The following CHST11 variants were observed in gnomAD, a reference collection of about 807,000 sequenced individuals.
The protein encoded by CHST11 is carbohydrate sulfotransferase 11.
A neutral mutation model predicts 30.4 loss-of-function variants in CHST11; 9 were observed. That is an observed-to-expected ratio of 0.30 (90% CI 0.18 to 0.52). The LOEUF is 0.52. Among genes scored for constraint, CHST11 ranks in the 20% least tolerant of loss-of-function variants. CHST11 has a pLI of 0.97. For synonymous variants in CHST11, 152 were observed against 187.8 expected (o/e 0.81, Z 1.56); for missense variants, 348 against 460.6 (o/e 0.76, Z 2.24).
intron 2 of CHST11, among the ~76,000 whole-genome samples, chr12:104,662,429 A>G (rs1040500070): frequency 1.2e-4 from 19 of 152,316 alleles, no homozygotes; most frequent in African/African-American, 4.1e-4. Context: ...CCTCCTTATC[A>G]TTGCGGTTAG....
At chr12:104,525,132 T>C (rs1341926943) in intron 1 of CHST11, among the ~76,000 whole-genome samples, 1 of 149,250 alleles carries the variant, frequency 6.7e-6, no homozygotes, top group African/African-American at 2.5e-5. Flanking sequence ...TAAGAGACAG[T>C]CTCAGTTACA....
At chr12:104,489,474 T>C (rs2037723660) in intron 1 of CHST11, among the ~76,000 whole-genome samples, 1 of 152,010 alleles carries the variant, frequency 6.6e-6, no homozygotes, top group Non-Finnish European at 1.5e-5. Context: ...ACCCTATCTT[T>C]TATTTATTTA....
chr12:104,663,564 A>T (rs7132459), intron 2 of CHST11, among the ~76,000 whole-genome samples: 45,613 of 151,916 alleles, frequency 0.3, 7,085 homozygotes, highest in Middle Eastern at 0.36. Context: ...GTTTTTATTC[A>T]TGTGTCATTT....
chr12:104,728,585 A>C (rs1245026892), intron 2 of CHST11, among the ~76,000 whole-genome samples: 1 of 152,204 alleles, frequency 6.6e-6, no homozygotes, highest in Non-Finnish European at 1.5e-5. Context: ...TGCCCTGTGG[A>C]AGGTGCCAGC....
intron 2 of CHST11, among the ~76,000 whole-genome samples, chr12:104,701,354 A>T (rs113286973): frequency 1.1e-4 from 16 of 152,224 alleles, no homozygotes; most frequent in African/African-American, 3.9e-4. Context: ...CTTATACTCA[A>T]TGTTATTGGG....
At chr12:104,566,990 C>A (rs2136020665) in intron 1 of CHST11, among the ~76,000 whole-genome samples, 1 of 152,122 alleles carries the variant, frequency 6.6e-6, no homozygotes. Context: ...TATACACACA[C>A]ATGTATATGT....
At chr12:104,509,238 TGCTGCCATCCA>T (rs1466908337) in intron 1 of CHST11, among the ~76,000 whole-genome samples, 1 of 152,222 alleles carries the variant, frequency 6.6e-6, no homozygotes, top group Non-Finnish European at 1.5e-5. Context: ...TCTCTTTGCC[TGCTGCCATCCA>T]TGTAAGATGT....
At chr12:104,629,625 C>T (rs2039252994) in intron 2 of CHST11, among the ~76,000 whole-genome samples, 1 of 152,164 alleles carries the variant, frequency 6.6e-6, no homozygotes, top group African/African-American at 2.4e-5. Flanking sequence ...AGTTTGAGGC[C>T]AACTTGGCTA....
In CHST11 at chr12:104,748,162, G is replaced by A. The variant is rs189354935; in HGVS notation, c.205-8787G>A. 1.5e-3 allele frequency among the ~76,000 whole-genome samples: 232 copies of A among 152,298 alleles called. 1 individual carries two copies. The highest frequency in any genetic ancestry group is 5.1e-3 in the African/African-American group (213 of 41,548). ...GAGATGAAGGGAGTTGGAGGCTGGG[G>A]CTGGGGGTGGATCTAGGAGTCTGTC... On this transcript the variant is annotated intron_variant, in intron 2 of 2. Transcript: ENST00000303694.
intron 1 of CHST11, among the ~76,000 whole-genome samples, chr12:104,577,455 A>C (rs1592773029): frequency 6.6e-6 from 1 of 152,034 alleles, no homozygotes. Flanking sequence ...TTCAGATGAC[A>C]GTGGGGTGGT....
At chr12:104,522,053 T>TATAA (rs2038078556) in intron 1 of CHST11, among the ~76,000 whole-genome samples, 1 of 152,236 alleles carries the variant, frequency 6.6e-6, no homozygotes, top group Non-Finnish European at 1.5e-5. Flanking sequence ...CACTAGCATT[T>TATAA]CTTTCCCAGT....
chr12:104,658,119 C>T (rs757089777), intron 2 of CHST11, among the ~76,000 whole-genome samples: 27 of 152,308 alleles, frequency 1.8e-4, no homozygotes, highest in Non-Finnish European at 1.6e-4. Context: ...CCCCCTATGC[C>T]GCCCCCAACC....
chr12:104,564,035 A>G (rs1217104691), intron 1 of CHST11, among the ~76,000 whole-genome samples: 4 of 152,038 alleles, frequency 2.6e-5, no homozygotes, highest in Admixed American at 6.5e-5. Flanking sequence ...GACACCCAGG[A>G]GCATCGAGGA....
intron 1 of CHST11, among the ~76,000 whole-genome samples, chr12:104,559,469 G>A (rs572223858): frequency 3.3e-4 from 50 of 152,332 alleles, no homozygotes; most frequent in African/African-American, 1.2e-3. Flanking sequence ...ACGGCTGGGC[G>A]CGGTGGCCCA....
intron 1 of CHST11, among the ~76,000 whole-genome samples, chr12:104,488,735 G>T (rs2037714866): frequency 8.7e-6 from 1 of 115,568 alleles, no homozygotes; most frequent in Non-Finnish European, 1.7e-5. Flanking sequence ...GTGTGTATGT[G>T]TACGCGTGTG....
At chr12:104,722,750 TC>T (rs947272456) in intron 2 of CHST11, among the ~76,000 whole-genome samples, 1 of 152,080 alleles carries the variant, frequency 6.6e-6, no homozygotes, top group African/African-American at 2.4e-5. Context: ...TCTTTCTGTT[TC>T]CTGCTGATAC....
intron 1 of CHST11, among the ~76,000 whole-genome samples, chr12:104,522,362 A>G (rs774498332): frequency 2.0e-5 from 3 of 152,228 alleles, no homozygotes; most frequent in Non-Finnish European, 2.9e-5. Context: ...ATGAGATTGT[A>G]TGGTGTGTAG....
Position 104,715,243 on chromosome 12 carries a change from C to T in CHST11, c.205-41706C>T, listed in dbSNP as rs7313156. On this transcript the variant is annotated intron_variant, in intron 2 of 2. Coordinates refer to ENST00000303694, the MANE Select transcript of CHST11 (RefSeq NM_018413.6). ...AAAAAAATTAGCTGGATGTGGTGGT[C>T]GGCGCCTGTAATCCCAGCTACTTGG... 4.0e-5 allele frequency among the ~76,000 whole-genome samples: 6 copies of T among 151,848 alleles called. No homozygotes were observed. In the South Asian group the frequency reaches 1.3e-3, roughly 32 times the overall value.
rs575743316 is a variant in CHST11 at position 104,718,421 on chromosome 12, A to G, written c.205-38528A>G. Among the ~76,000 whole-genome samples the G allele has an allele frequency of 2.3e-4, 35 of 152,244 alleles. No individual in the cohort carries two copies. The South Asian group carries it at 7.0e-3, about 31-fold the overall frequency. On this transcript the variant is annotated intron_variant, in intron 2 of 2. Transcript: ENST00000303694. Reference sequence around the variant, plus strand: ...AGGACGGAATTTCGTTTGAATCCCTACTGCTTAGATACGGAGACTGAGGCT... The same window carrying G: ...AGGACGGAATTTCGTTTGAATCCCTGCTGCTTAGATACGGAGACTGAGGCT...
Sources: allele counts gnomAD v4.1 joint callset (sites outside exome capture counted in the v4.1 genomes callset), GRCh38; gene constraint gnomAD v4.1.1; transcripts MANE v1.5; gene names NCBI Gene and HGNC (gene_info 2026-07-23, HGNC 2026-07-21).